Variants in SYNDIG1L observed in about 807,000 individuals in gnomAD.
SYNDIG1L encodes synapse differentiation-inducing gene protein 1-like.
SYNDIG1L carries 13 observed loss-of-function variants against 20.1 expected under a neutral mutation model. The ratio of observed to expected loss-of-function variants is 0.65; its 90% CI spans 0.42 to 1.03. The LOEUF (loss-of-function observed/expected upper bound fraction) is 1.03, where lower values mean the gene tolerates loss of function less well. Ranked by LOEUF, SYNDIG1L falls within the 50% of genes least tolerant of loss-of-function variation. The pLI, the probability that SYNDIG1L is intolerant of heterozygous loss-of-function variation, is 0.00. For synonymous variants in SYNDIG1L, 128 were observed against 129.3 expected (o/e 0.99, Z 0.07); for missense variants, 294 against 305.1 (o/e 0.96, Z 0.27).
chr14:74,460,027 A>G, the SYNDIG1L span, among the ~76,000 whole-genome samples: 1 of 151,562 alleles, frequency 6.6e-6, no homozygotes, highest in East Asian at 1.9e-4. Context: ...ACCTCCAGGG[A>G]CCCCCAGCTC....
intron 1 of SYNDIG1L, among the ~76,000 whole-genome samples, chr14:74,417,959 C>T (rs2086190122): frequency 6.6e-6 from 1 of 152,196 alleles, no homozygotes; most frequent in African/African-American, 2.4e-5. Flanking sequence ...AGTTGAGATA[C>T]TGACCACTAT....
the SYNDIG1L span, among the ~76,000 whole-genome samples, chr14:74,458,577 G>A: frequency 7.1e-6 from 1 of 140,534 alleles, no homozygotes. Context: ...AGCCAAGATC[G>A]CACCATTGCA....
the SYNDIG1L span, among the ~76,000 whole-genome samples, chr14:74,454,636 A>G: frequency 1.6e-4 from 25 of 152,228 alleles, no homozygotes; most frequent in African/African-American, 6.0e-4. Context: ...GTTCCTGGTC[A>G]ACATAAGTAA....
chr14:74,410,607 A>C (rs72730163), intron 1 of SYNDIG1L, among the ~76,000 whole-genome samples: 8 of 152,244 alleles, frequency 5.3e-5, no homozygotes, highest in Non-Finnish European at 1.2e-4. Flanking sequence ...ACTGGGGTTC[A>C]GTAGTGGTGT....
chr14:74,428,569 C>T (rs2086282653), upstream of SYNDIG1L, among the ~76,000 whole-genome samples: 1 of 152,206 alleles, frequency 6.6e-6, no homozygotes, highest in Non-Finnish European at 1.5e-5. Flanking sequence ...GTGATAAATG[C>T]TGTCATGGAG....
the SYNDIG1L span, among the ~76,000 whole-genome samples, chr14:74,449,625 AAAAAAG>A: frequency 6.7e-6 from 1 of 149,398 alleles, no homozygotes; most frequent in Non-Finnish European, 1.5e-5. Flanking sequence ...AAAAAAAAAG[AAAAAAG>A]AAAAAAGAAA....
the SYNDIG1L span, among the ~76,000 whole-genome samples, chr14:74,467,689 G>A: frequency 1.3e-5 from 2 of 152,222 alleles, no homozygotes; most frequent in Non-Finnish European, 2.9e-5. Context: ...AAGAAAGGAT[G>A]AGGAGGGATT....
intron 1 of SYNDIG1L, among the ~76,000 whole-genome samples, chr14:74,420,732 A>C (rs1177233032): frequency 6.6e-6 from 1 of 152,240 alleles, no homozygotes; most frequent in African/African-American, 2.4e-5. Context: ...TTTTAAAAGA[A>C]TAAAATCATA....
chr14:74,410,275 A>G (rs1271600468), intron 1 of SYNDIG1L, among the ~76,000 whole-genome samples: 1 of 152,194 alleles, frequency 6.6e-6, no homozygotes, highest in Non-Finnish European at 1.5e-5. Flanking sequence ...GGAAGGCCTT[A>G]GAGCTGAGAT....
chr14:74,429,671 G>A (rs1160394933), upstream of SYNDIG1L, among the ~76,000 whole-genome samples: 1 of 152,250 alleles, frequency 6.6e-6, no homozygotes, highest in Non-Finnish European at 1.5e-5. Flanking sequence ...GGGATTGTCT[G>A]GCAGAGGACA....
At chr14:74,419,494 A>T (rs1393876462) in intron 1 of SYNDIG1L, among the ~76,000 whole-genome samples, 1 of 152,220 alleles carries the variant, frequency 6.6e-6, no homozygotes, top group East Asian at 1.9e-4. Flanking sequence ...GATGGAATAC[A>T]TCTGGCTGAG....
chr14:74,416,251 T>C (rs2086173807), intron 1 of SYNDIG1L, among the ~76,000 whole-genome samples: 1 of 152,224 alleles, frequency 6.6e-6, no homozygotes, highest in South Asian at 2.1e-4. Flanking sequence ...GTAGTGATTA[T>C]AGGACTACAT....
the SYNDIG1L span, among the ~76,000 whole-genome samples, chr14:74,460,122 G>A: frequency 6.6e-6 from 1 of 152,038 alleles, no homozygotes; most frequent in African/African-American, 2.4e-5. Flanking sequence ...GGTGGAAGCT[G>A]CCCTTTCCTC....
the SYNDIG1L span, chr14:74,476,427 G>A: frequency 9.8e-7 from 1 of 1,023,058 alleles, no homozygotes; most frequent in Non-Finnish European, 1.5e-6. Flanking sequence ...AGGACGGCCT[G>A]CTAGAAGGGA....
chr14:74,422,653 TCACACA>T (rs34711949), intron 1 of SYNDIG1L, among the ~76,000 whole-genome samples: 6 of 140,486 alleles, frequency 4.3e-5, no homozygotes, highest in Admixed American at 7.2e-5. Flanking sequence ...ATCTCTCTCT[TCACACA>T]CACACACACA....
the SYNDIG1L span, among the ~76,000 whole-genome samples, chr14:74,457,080 G>A: frequency 6.6e-6 from 1 of 152,334 alleles, no homozygotes; most frequent in Admixed American, 6.5e-5. Context: ...CGTGCCCAAG[G>A]CCTTCAAAGA....
intron 2 of SYNDIG1L, 67 bp from the exon 3 acceptor site, chr14:74,408,056 T>C: frequency 2.0e-6 from 3 of 1,511,638 alleles, no homozygotes; most frequent in Non-Finnish European, 2.7e-6. Context: ...TGGCAAGAGG[T>C]TTTTTAAAAG....
the SYNDIG1L span, among the ~76,000 whole-genome samples, chr14:74,446,127 G>A: frequency 0.55 from 84,098 of 151,990 alleles, 23,883 homozygotes; most frequent in African/African-American, 0.69. Flanking sequence ...TTTAAAGAAC[G>A]AAAGAAGCAA....
intron 1 of SYNDIG1L, among the ~76,000 whole-genome samples, chr14:74,410,007 C>T (rs2086119113): frequency 6.6e-6 from 1 of 152,248 alleles, no homozygotes; most frequent in African/African-American, 2.4e-5. Flanking sequence ...AGTGCTTACC[C>T]CACAGAGTTG....
Sources: gnomAD v4.1 joint callset for allele counts (sites outside exome capture counted in the v4.1 genomes callset) on GRCh38, gnomAD v4.1.1 for gene constraint, MANE v1.5 for transcripts, NCBI Gene and HGNC (gene_info 2026-07-23, HGNC 2026-07-21) for gene names.